SLC35B4: variants seen among roughly 807,000 people sequenced by gnomAD.
SLC35B4 encodes solute carrier family 35 member B4.
A neutral mutation model predicts 39.5 loss-of-function variants in SLC35B4; 28 were observed. The ratio of observed to expected loss-of-function variants is 0.71; its 90% confidence interval spans 0.53 to 0.97. The LOEUF is 0.97. Ranked by LOEUF, SLC35B4 falls within the 50% of genes least tolerant of loss-of-function variation. SLC35B4 has a pLI of 0.00. For missense variants in SLC35B4, 334 were observed against 414.3 expected (o/e 0.81, Z 1.68); for synonymous variants, 145 against 150.4 (o/e 0.96, Z 0.26).
At chr7:134,302,259 T>C in intron 4 of SLC35B4, 149 bp from the exon 5 acceptor site, 2 of 655,542 alleles carry the variant, frequency 3.1e-6, no homozygotes, top group Non-Finnish European at 5.2e-6. Context: ...CACAGAAGTA[T>C]GCATATGAAT....
chr7:134,301,758 T>C lies in SLC35B4; in HGVS notation c.487+3A>G, dbSNP rs766732433. 1.1e-5 allele frequency: 17 copies of C among 1,613,404 alleles called. No homozygotes were observed. In the East Asian group the frequency reaches 3.8e-4, roughly 36 times the overall value. On this transcript the variant is annotated splice_donor_region_variant and intron_variant, in intron 6 of 9. Coordinates refer to ENST00000378509, the MANE Select transcript of SLC35B4 (RefSeq NM_032826.5). ...TTAGCTTTATTATAATTATTGTACTTGCCTAGTAACCACCACACAAATGCC... is the reference window on the plus strand; with the variant it reads ...TTAGCTTTATTATAATTATTGTACTCGCCTAGTAACCACCACACAAATGCC...
rs1299915351 is a variant in SLC35B4, at chr7:134,300,394, G to T, written c.488-133C>A. 4 of 576,850 alleles carry T rather than the reference G, an allele frequency of 6.9e-6. No individual in the cohort carries two copies. The African/African-American group carries it at 7.6e-5, about 11-fold the overall frequency. 35.7% of individuals were successfully genotyped at this position (576,850 alleles called of 1,614,324 possible). A position where few individuals can be genotyped will look rare whatever the true frequency, so the allele number is the denominator to read the frequency against. The stretch of plus-strand genomic sequence containing the variant: ...TAGAACATGTACAAAACTGTAAAAA[G>T]AAATAAAAATACATTATTACCATCT... On this transcript the variant is annotated intron_variant, in intron 6 of 9. Coordinates refer to ENST00000378509, the MANE Select transcript of SLC35B4 (RefSeq NM_032826.5).
In SLC35B4 at chr7:134,299,507, C is replaced by T; in HGVS notation, c.673+16G>A. On this transcript the variant is annotated intron_variant, in intron 8 of 9. Transcript: ENST00000378509. ...AGAAACTGTCAGGTAATTCTACTGT[C>T]TAACCCCAAACTCACCAGACTTATT... is the stretch of plus-strand genomic sequence containing the variant. The T allele has an allele frequency of 1.2e-6, 2 of 1,606,232 alleles. No homozygotes were observed. Among genetic ancestry groups the T allele is most frequent in the African/African-American group, 1.3e-5 (1 of 74,880 alleles).
intron 4 of SLC35B4, among the ~76,000 whole-genome samples, chr7:134,303,541 C>T (rs1198001726): frequency 6.6e-6 from 1 of 152,084 alleles, no homozygotes; most frequent in African/African-American, 2.4e-5. Flanking sequence ...TCAGGGAATT[C>T]ATAAGCCTCA....
At chr7:134,311,401 A>G (rs969102308) in intron 1 of SLC35B4, among the ~76,000 whole-genome samples, 4 of 152,186 alleles carry the variant, frequency 2.6e-5, no homozygotes, top group African/African-American at 9.6e-5. Flanking sequence ...CACACCTATA[A>G]TCCCAGCACT....
At chr7:134,300,479 AAGAC>A (rs767561476) in intron 6 of SLC35B4, among the ~76,000 whole-genome samples, 20 of 152,280 alleles carry the variant, frequency 1.3e-4, no homozygotes, top group Middle Eastern at 3.4e-3. Flanking sequence ...TTTTTACACT[AAGAC>A]AGGATCAGAT....
At chr7:134,319,898 G>T (rs536328981), upstream of SLC35B4, among the ~76,000 whole-genome samples, 1 of 152,038 alleles carries the variant, frequency 6.6e-6, no homozygotes, top group East Asian at 1.9e-4. Flanking sequence ...AGCCTTTCTT[G>T]TCCATTCCCA....
chr7:134,299,655 G>A, intron 7 of SLC35B4, 57 bp from the exon 8 acceptor site: 1 of 1,417,936 alleles, frequency 7.1e-7, no homozygotes, highest in African/African-American at 1.4e-5. Flanking sequence ...AGAATAATTA[G>A]AGTAGCTTTA....
Position 134,290,046 on chromosome 7 carries a change from C to T in SLC35B4, c.*4787G>A, listed in dbSNP as rs954990136. 6.6e-6 allele frequency: 1 copy of T among 152,168 alleles called. No individual in the cohort carries two copies. The highest frequency in any genetic ancestry group is 2.4e-5 in the African/African-American group (1 of 41,434). 9.4% of individuals were successfully genotyped at this position (152,168 alleles called of 1,614,324 possible). ...AGCTGCTACAAGCTAACTGTACCAA[C>T]TATGGAGATGTAAGGGTGGGGCTGG... On this transcript the variant is annotated 3_prime_UTR_variant, in exon 10 of 10. Coordinates refer to ENST00000378509, the MANE Select transcript of SLC35B4 (RefSeq NM_032826.5).
intron 3 of SLC35B4, 96 bp downstream of exon 3, chr7:134,306,576 T>G: frequency 1.0e-6 from 1 of 982,734 alleles, no homozygotes; most frequent in African/African-American, 1.6e-5. Context: ...CCAAGACCAC[T>G]TACTACAAGA....
upstream of SLC35B4, among the ~76,000 whole-genome samples, chr7:134,319,608 G>A (rs1400379762): frequency 6.6e-6 from 1 of 152,092 alleles, no homozygotes; most frequent in Non-Finnish European, 1.5e-5. Context: ...TCCTGCGTGT[G>A]TGTCTATGTA....
chr7:134,303,414 C>G (rs17133280), intron 4 of SLC35B4, among the ~76,000 whole-genome samples: 6,333 of 152,132 alleles, frequency 0.042, 194 homozygotes, highest in Non-Finnish European at 0.062. Flanking sequence ...GAATTCCACA[C>G]TATAAGAAGC....
intron 1 of SLC35B4, among the ~76,000 whole-genome samples, chr7:134,314,638 C>G (rs1054983352): frequency 6.6e-6 from 1 of 152,076 alleles, no homozygotes; most frequent in African/African-American, 2.4e-5. Context: ...CGGGTTCTAA[C>G]GATTATCCTG....
At chr7:134,300,301 T>C in intron 6 of SLC35B4, 40 bp from the exon 7 acceptor site, 1 of 1,418,742 alleles carries the variant, frequency 7.0e-7, no homozygotes, top group East Asian at 2.3e-5. Context: ...TCTGCATTTG[T>C]TCATTTCCAG....
chr7:134,289,724 G>A lies in SLC35B4; in HGVS notation c.*5109C>T, dbSNP rs930823895. The A allele has an allele frequency of 2.6e-5, 4 of 152,174 alleles. No individual in the cohort carries two copies. The highest frequency in any genetic ancestry group is 4.8e-5 in the African/African-American group (2 of 41,408). 9.4% of individuals were successfully genotyped at this position (152,174 alleles called of 1,614,324 possible). ...TGATACACAAAGGCATTTTTATTGC[G>A]CCGGGGAATAACCACTACTGCTCTC... On this transcript the variant is annotated 3_prime_UTR_variant, in exon 10 of 10. Coordinates refer to ENST00000378509, the MANE Select transcript of SLC35B4 (RefSeq NM_032826.5).
chr7:134,304,987 A>G (rs1803672871), intron 3 of SLC35B4, 133 bp from the exon 4 acceptor site: 1 of 697,998 alleles, frequency 1.4e-6, no homozygotes, highest in Non-Finnish European at 2.5e-6. Flanking sequence ...ATTAGTAAAG[A>G]TTTAGTTGTT....
chr7:134,296,482 G>A lies in SLC35B4; in HGVS notation c.674-16C>T. ...TCATATAACTCTGTAGAGGTTACAA[G>A]AGGATATAGCCATATTGCTTTTTCA... On this transcript the variant is annotated splice_polypyrimidine_tract_variant and intron_variant, in intron 8 of 9. Transcript: ENST00000378509. 1 of 1,599,522 alleles carries A rather than the reference G, an allele frequency of 6.3e-7. No individual in the cohort carries two copies. Among genetic ancestry groups the A allele is most frequent in the South Asian group, 1.1e-5 (1 of 90,052 alleles).
rs1803534763 is a variant in SLC35B4, at chr7:134,299,612, C to T, written c.598-14G>A. The T allele has an allele frequency of 1.2e-6, 2 of 1,608,682 alleles. No individual in the cohort carries two copies. Among genetic ancestry groups the T allele is most frequent in the Non-Finnish European group, 1.7e-6 (2 of 1,175,560 alleles). The stretch of plus-strand genomic sequence containing the variant: ...TGGAAGGGCGTGCTATGGAAAGAAA[C>T]AGGTCAGATAAATGTAAGTGCAAAA... On this transcript the variant is annotated splice_polypyrimidine_tract_variant and intron_variant, in intron 7 of 9. Transcript: ENST00000378509.
chr7:134,317,037 A>G (rs561906187), upstream of SLC35B4: 14 of 403,676 alleles, frequency 3.5e-5, no homozygotes, highest in Admixed American at 4.4e-5. Flanking sequence ...TCAGGATGCG[A>G]CGTTCCCGCT....
Sources: allele counts gnomAD v4.1 joint callset (sites outside exome capture counted in the v4.1 genomes callset), GRCh38; gene constraint gnomAD v4.1.1; transcripts MANE v1.5; gene names NCBI Gene and HGNC (gene_info 2026-07-23, HGNC 2026-07-21).